SERINC4: variants seen among roughly 807,000 people sequenced by gnomAD.
SERINC4 encodes serine incorporator 4.
In SERINC4, 52 loss-of-function variants were observed where a neutral mutation model predicts 52.0. The observed-to-expected ratio is 1.00, with a 90% CI of 0.80 to 1.26. The LOEUF (loss-of-function observed/expected upper bound fraction) is 1.26. Among genes scored for constraint, SERINC4 ranks in the 50% most tolerant of loss-of-function variants. SERINC4 has a pLI of 0.00. For synonymous variants in SERINC4, 264 were observed against 247.7 expected (o/e 1.07, Z -0.62); for missense variants, 723 against 632.8 (o/e 1.14, Z -1.53).
chr15:43,798,558 G>T, intron 3 of SERINC4, 54 bp from the exon 4 acceptor site: 1 of 1,340,678 alleles, frequency 7.5e-7, no homozygotes, highest in Non-Finnish European at 1.1e-6. Context: ...AAAGGACAGT[G>T]AAGAGTGCCT....
rs931652380 is a variant in SERINC4, at chr15:43,799,583, CA to C, written c.103-98del. The stretch of plus-strand genomic sequence containing the variant: ...GAGGTTAACCCAGGAGGTTGAATTC[CA>C]AAATTTCCCCTTCCCCTTTCTTCCT... On this transcript the variant is annotated intron_variant, in intron 1 of 11. Transcript: ENST00000319327. 36 of 1,414,958 alleles carry C rather than the reference CA, an allele frequency of 2.5e-5. No individual in the cohort carries two copies. In the African/African-American group the frequency reaches 4.8e-4, roughly 19 times the overall value. 87.7% of individuals were successfully genotyped at this position (1,414,958 alleles called of 1,614,324 possible). A position where few individuals can be genotyped will look rare whatever the true frequency, so the allele number is the denominator to read the frequency against.
At position 43,794,271 on chromosome 15, in the gene SERINC4, AT is replaced by A; in HGVS notation, c.*728del. 3.1e-6 allele frequency: 1 copy of A among 321,206 alleles called. No homozygotes were observed. The highest frequency in any genetic ancestry group is 5.7e-6 in the Non-Finnish European group (1 of 174,420). The allele number at this position is 321,206 out of a possible 1,614,324, so 19.9% of individuals were successfully genotyped here. On this transcript the variant is annotated 3_prime_UTR_variant, in exon 12 of 12. Transcript: ENST00000319327. ...GAACCATAGAGACTTCTTTTCTGTG[AT>A]TTTTGTTCCCCACCCTTGAACACCA...
intron 8 of SERINC4, 26 bp downstream of exon 8, chr15:43,796,590 C>A: frequency 1.2e-6 from 2 of 1,613,008 alleles, no homozygotes; most frequent in Non-Finnish European, 1.7e-6. Context: ...TCCTTTCATA[C>A]CTCCACCCTT....
chr15:43,795,735 T>G lies in SERINC4; in HGVS notation c.1142A>C (p.Lys381Thr), dbSNP rs372519705. 1.9e-6 allele frequency: 3 copies of G among 1,613,950 alleles called. No individual in the cohort carries two copies. The highest frequency in any genetic ancestry group is 1.3e-5 in the African/African-American group (1 of 75,054). Reference protein sequence around the residue: ...IVKVYSYEFQKPSLCFCCPET... With the variant: ...IVKVYSYEFQTPSLCFCCPET... ...AGGGCAGCAGAAACACAGTGAGGGCTTCTGCAAAACAGAACGCAGGTTTTG... is the reference window on the plus strand; with the variant it reads ...AGGGCAGCAGAAACACAGTGAGGGCGTCTGCAAAACAGAACGCAGGTTTTG... Residue 381 changes from lysine (K) to threonine (T), a missense_variant and splice_region_variant, in exon 10 of 12, where the codon AAG becomes ACG. By Grantham distance (78) the Lys-to-Thr change is moderately conservative. Transcript: ENST00000319327.
chr15:43,796,426 C>T (rs2087217482), intron 8 of SERINC4, 190 bp downstream of exon 8: 1 of 724,836 alleles, frequency 1.4e-6, no homozygotes, highest in African/African-American at 1.8e-5. Flanking sequence ...GTCATTCCCC[C>T]CACCCCCTTC....
At position 43,800,068 on chromosome 15, in the gene SERINC4, A is replaced by G; in HGVS notation, c.-82T>C. Reference sequence around the variant, plus strand: ...GTTGCTTCTGTCCTCAGCCCATTGGACTGCCACTGTGTTGGGGCTGAGCAC... The same window carrying G: ...GTTGCTTCTGTCCTCAGCCCATTGGGCTGCCACTGTGTTGGGGCTGAGCAC... On this transcript the variant is annotated 5_prime_UTR_variant, in exon 1 of 12. Transcript: ENST00000319327. 3 of 1,074,212 alleles carry G rather than the reference A, an allele frequency of 2.8e-6. No homozygotes were observed. Among genetic ancestry groups the G allele is most frequent in the Non-Finnish European group, 3.9e-6 (3 of 766,180 alleles). 66.5% of individuals were successfully genotyped at this position (1,074,212 alleles called of 1,614,324 possible). A position where few individuals can be genotyped will look rare whatever the true frequency, so the allele number is the denominator to read the frequency against.
intron 11 of SERINC4, 61 bp downstream of exon 11, chr15:43,795,326 AT>A: frequency 6.2e-7 from 1 of 1,605,324 alleles, no homozygotes; most frequent in Non-Finnish European, 8.5e-7. Flanking sequence ...ATGGCCTTGA[AT>A]TGCTCTTTCC....
chr15:43,798,882 T>C, intron 3 of SERINC4, 77 bp downstream of exon 3: 1 of 1,407,592 alleles, frequency 7.1e-7, no homozygotes, highest in Non-Finnish European at 9.8e-7. Flanking sequence ...TATTACTTCA[T>C]CCCGGAATTT....
chr15:43,798,058 T>C (rs1389695610), intron 4 of SERINC4, 45 bp from the exon 5 acceptor site: 6 of 1,472,372 alleles, frequency 4.1e-6, no homozygotes, highest in Middle Eastern at 1.8e-4. Context: ...TGTTACTTTT[T>C]TTTTTTTTTG....
At position 43,799,394 on chromosome 15, in the gene SERINC4, G is replaced by A; in HGVS notation, c.195C>T (p.Ile65=). Residue 65 remains isoleucine (I), a synonymous_variant, in exon 2 of 12, where the codon ATC becomes ATT. Transcript: ENST00000319327. ...TASTCSRLFY[I]LLHVGASAIC... ...TTGCTGAGGCCCCCACATGGAGGAG[G>A]ATGTAGAACAGGCGGCTGCAAGTGG... The A allele has an allele frequency of 1.3e-6, 2 of 1,551,030 alleles. No individual in the cohort carries two copies. Among genetic ancestry groups the A allele is most frequent in the Non-Finnish European group, 1.7e-6 (2 of 1,147,080 alleles).
chr15:43,795,953 T>A (rs2087205822), intron 9 of SERINC4: 1 of 640,170 alleles, frequency 1.6e-6, no homozygotes, highest in East Asian at 2.7e-5. Flanking sequence ...AGCAAATACC[T>A]ACCTCACAGG....
Position 43,799,972 on chromosome 15 carries a change from C to T in SERINC4, c.15G>A (p.Lys5=), listed in dbSNP as rs1224435211. 2 of 1,542,620 alleles carry T rather than the reference C, an allele frequency of 1.3e-6. No homozygotes were observed. The highest frequency in any genetic ancestry group is 2.8e-5 in the African/African-American group (2 of 72,650). Residue 5 remains lysine, a synonymous_variant, in exon 1 of 12, where the codon AAG becomes AAA. Transcript: ENST00000319327. MVGA[K]AGPSPGTSLG... is the part of the protein sequence containing the mutation. ...GGGAGGTGCCGGGGCTGGGGCCGGC[C>T]TTGGCACCCACCATCCTTGTCCCAG...
chr15:43,796,186 C>T lies in SERINC4; in HGVS notation c.1109G>A (p.Trp370Ter), dbSNP rs966086670. ...CTCATAGCTGTAAACCTTGACAATC[C>T]ACAGGGGTCCAAATACCTCAGCCAG... ...SYLAEVFGPL[W>*]IVKVYSYEFQ... The change falls in exon 9 of 12, where the codon TGG (tryptophan) becomes TAG (stop). Residue 370 changes from tryptophan to a stop codon, truncating the protein, a stop_gained. Transcript: ENST00000319327. LOFTEE classifies it high-confidence loss of function. 1 of 1,613,896 alleles carries T rather than the reference C, an allele frequency of 6.2e-7. No homozygotes were observed. The highest frequency in any genetic ancestry group is 1.3e-5 in the African/African-American group (1 of 74,974).
Position 43,799,346 on chromosome 15 carries a change from C to T in SERINC4, c.243G>A (p.Arg81=), listed in dbSNP as rs929077578. Residue 81 remains arginine, a synonymous_variant, in exon 2 of 12, where the codon AGG becomes AGA. Transcript: ENST00000319327. ...TGCCCCACACCCTTTCCACTACTGT[C>T]CTTGACAGCAGGAGGCAGCAGATTG... The part of the protein sequence containing the change: ...ASAICCLLLS[R]TVVERVWGKT... 5 of 1,551,042 alleles carry T rather than the reference C, an allele frequency of 3.2e-6. No homozygotes were observed. In the African/African-American group the frequency reaches 6.8e-5, roughly 21 times the overall value.
chr15:43,794,818 C>CA lies in SERINC4; in HGVS notation c.*181dup, dbSNP rs2087164017. 2 of 579,158 alleles carry CA rather than the reference C, an allele frequency of 3.5e-6. No individual in the cohort carries two copies. The highest frequency in any genetic ancestry group is 2.3e-5 in the South Asian group (1 of 43,220). 35.9% of individuals were successfully genotyped at this position (579,158 alleles called of 1,614,324 possible). A position where few individuals can be genotyped will look rare whatever the true frequency, so the allele number is the denominator to read the frequency against. On this transcript the variant is annotated 3_prime_UTR_variant, in exon 12 of 12. Transcript: ENST00000319327. ...AGATGTAACAGTAGCTCCAGTGAGTCAGACACTCTGCCCAGCACATTAGAC... is the reference window on the plus strand; with the variant it reads ...AGATGTAACAGTAGCTCCAGTGAGTCAAGACACTCTGCCCAGCACATTAGAC...
At position 43,795,378 on chromosome 15, in the gene SERINC4, T is replaced by A. The variant is rs1567170445; in HGVS notation, c.1343+10A>T. ...CTTCAGGAGAGTATCTAAGGCCCAC[T>A]CCATCTTACCTGAACCAGTTGGTAA... is the stretch of plus-strand genomic sequence containing the variant. On this transcript the variant is annotated intron_variant, in intron 11 of 11. Transcript: ENST00000319327. 1 of 1,614,122 alleles carries A rather than the reference T, an allele frequency of 6.2e-7. No individual in the cohort carries two copies. The highest frequency in any genetic ancestry group is 1.1e-5 in the South Asian group (1 of 91,084).
At position 43,798,483 on chromosome 15, in the gene SERINC4, C is replaced by T. The variant is rs1377763524; in HGVS notation, c.480G>A (p.Leu160=). The stretch of plus-strand genomic sequence containing the variant: ...CAATAGCACAGAGACCTAACAGGAA[C>T]AGCAGCTTGAGGAGCCAGAAGCTGG... ...LHNSFWLLKL[L]FLLGLCAIAF... The change falls in exon 4 of 12, where the codon CTG becomes CTA. Residue 160 remains leucine, a synonymous_variant. Coordinates refer to ENST00000319327, the MANE Select transcript of SERINC4 (RefSeq NM_001258031.2). 3.7e-6 allele frequency: 6 copies of T among 1,613,688 alleles called. No individual in the cohort carries two copies. The highest frequency in any genetic ancestry group is 5.1e-6 in the Non-Finnish European group (6 of 1,179,718).
At chr15:43,796,304 T>C (rs2087214780) in intron 8 of SERINC4, 77 bp from the exon 9 acceptor site, 2 of 1,106,584 alleles carry the variant, frequency 1.8e-6, no homozygotes, top group East Asian at 4.7e-5. Flanking sequence ...AATTGGTCCA[T>C]ACTGGTAATC....
rs1041298276 is a variant in SERINC4, at chr15:43,794,620, TCCTTATTTTCCTTTCTCCAA to T, written c.*360_*379del. 5.1e-5 allele frequency: 10 copies of T among 195,478 alleles called. No homozygotes were observed. In the Admixed American group the frequency reaches 5.2e-4, roughly 10 times the overall value. The allele number at this position is 195,478 out of a possible 1,614,324, so 12.1% of individuals were successfully genotyped here. A position where few individuals can be genotyped will look rare whatever the true frequency, so the allele number is the denominator to read the frequency against. ...TATATCCGTGTGCCCAGGGCTGAAC[TCCTTATTTTCCTTTCTCCAA>T]GGGCAGAGCCGAGTCTTCAGTCCCT... On this transcript the variant is annotated 3_prime_UTR_variant, in exon 12 of 12. Transcript: ENST00000319327.
Sources: gnomAD v4.1 joint callset for allele counts on GRCh38, gnomAD v4.1.1 for gene constraint, MANE v1.5 for transcripts, NCBI Gene and HGNC (gene_info 2026-07-23, HGNC 2026-07-21) for gene names.